Variants in TBX15 observed in about 807,000 individuals in gnomAD.
TBX15 encodes the protein T-box transcription factor 15, also known as T-box transcription factor TBX15.
In TBX15, 18 loss-of-function variants were observed where a neutral mutation model predicts 53.9. The observed-to-expected ratio is 0.33, with a 90% confidence interval of 0.23 to 0.49. The LOEUF is 0.49. Among genes scored for constraint, TBX15 ranks in the 20% least tolerant of loss-of-function variants. TBX15 has a pLI of 0.98. For synonymous variants in TBX15, 295 were observed against 278.0 expected (o/e 1.06, Z -0.61); for missense variants, 692 against 749.5 (o/e 0.92, Z 0.90).
Position 118,960,710 on chromosome 1 carries a change from A to G in TBX15, c.205+26881T>C, listed in dbSNP as rs12022112. Among the ~76,000 whole-genome samples the G allele has an allele frequency of 3.9e-5, 6 of 152,306 alleles. No homozygotes were observed. The East Asian group carries it at 1.2e-3, about 29-fold the overall frequency. On this transcript the variant is annotated intron_variant, in intron 1 of 7. Coordinates refer to ENST00000369429, the MANE Select transcript of TBX15 (RefSeq NM_001330677.2). ...GTGAGCCGGCAGAGTCTCCCTCAGGATCAGGGCTTCGTGTTCCAAAGTCCA... is the reference window on the plus strand; with the variant it reads ...GTGAGCCGGCAGAGTCTCCCTCAGGGTCAGGGCTTCGTGTTCCAAAGTCCA...
chr1:118,939,143 A>G (rs1367694065), intron 1 of TBX15, among the ~76,000 whole-genome samples: 1 of 152,116 alleles, frequency 6.6e-6, no homozygotes, highest in Admixed American at 6.5e-5. Context: ...CTAATGGCTC[A>G]TGCCTATAAT....
chr1:118,926,473 T>C (rs1655598160), intron 3 of TBX15, 37 bp downstream of exon 3: 1 of 1,558,286 alleles, frequency 6.4e-7, no homozygotes, highest in Non-Finnish European at 8.8e-7. Context: ...GGAATGCTGG[T>C]GATACCCACA....
At chr1:118,927,910 C>T (rs1215523875) in intron 2 of TBX15, among the ~76,000 whole-genome samples, 2 of 152,204 alleles carry the variant, frequency 1.3e-5, no homozygotes, top group East Asian at 1.9e-4. Context: ...TACTTGTATG[C>T]AAAATGCTGC....
intron 6 of TBX15, among the ~76,000 whole-genome samples, chr1:118,901,872 G>A (rs534113105): frequency 6.6e-6 from 1 of 152,170 alleles, no homozygotes; most frequent in African/African-American, 2.4e-5. Context: ...CTTAGCTAAC[G>A]AACATAAAGA....
chr1:118,925,766 CCA>C (rs1477698786), intron 3 of TBX15, among the ~76,000 whole-genome samples: 5 of 152,196 alleles, frequency 3.3e-5, no homozygotes, highest in Non-Finnish European at 7.3e-5. Flanking sequence ...TCCCCACTTG[CCA>C]TACTAGTCCT....
intron 1 of TBX15, among the ~76,000 whole-genome samples, chr1:118,974,846 G>A (rs1330731961): frequency 6.6e-6 from 1 of 152,144 alleles, no homozygotes; most frequent in Non-Finnish European, 1.5e-5. Context: ...TAATCCTAGG[G>A]CATTAAAAAG....
chr1:118,931,254 T>C (rs17185926), intron 2 of TBX15, among the ~76,000 whole-genome samples: 15,617 of 152,314 alleles, frequency 0.1, 980 homozygotes, highest in Middle Eastern at 0.17. Flanking sequence ...CTTTAGAAGA[T>C]GCAAGTTGTT....
chr1:118,935,599 A>G (rs1295444636), intron 1 of TBX15, among the ~76,000 whole-genome samples: 1 of 152,184 alleles, frequency 6.6e-6, no homozygotes, highest in Non-Finnish European at 1.5e-5. Context: ...TCACTAGAGA[A>G]CATTTTGTGA....
At chr1:118,901,120 C>T (rs1204951801) in intron 6 of TBX15, among the ~76,000 whole-genome samples, 1 of 151,996 alleles carries the variant, frequency 6.6e-6, no homozygotes, top group Non-Finnish European at 1.5e-5. Flanking sequence ...ATTTTCTATC[C>T]TAGTTCATTT....
At chr1:118,944,750 A>G (rs967370594) in intron 1 of TBX15, among the ~76,000 whole-genome samples, 5 of 152,148 alleles carry the variant, frequency 3.3e-5, no homozygotes, top group African/African-American at 9.7e-5. Flanking sequence ...CAGAGTTCCC[A>G]CTTCAATTCC....
chr1:118,941,750 G>C (rs904741923), intron 1 of TBX15, among the ~76,000 whole-genome samples: 1 of 152,096 alleles, frequency 6.6e-6, no homozygotes, highest in African/African-American at 2.4e-5. Flanking sequence ...GAGAGGATAG[G>C]TCCATAAATA....
chr1:118,901,828 G>T (rs1161136204), intron 6 of TBX15, among the ~76,000 whole-genome samples: 8 of 152,246 alleles, frequency 5.3e-5, no homozygotes, highest in African/African-American at 1.7e-4. Flanking sequence ...CCCACAAGGA[G>T]TCCACCTGCC....
intron 1 of TBX15, among the ~76,000 whole-genome samples, chr1:118,942,019 A>T (rs1209692246): frequency 2.6e-5 from 4 of 152,362 alleles, no homozygotes; most frequent in African/African-American, 9.6e-5. Flanking sequence ...TCAACAAAAA[A>T]GGTCCAGACA....
rs74922362 is a variant in TBX15, at chr1:118,982,241, G to A, written c.205+5350C>T. Among the ~76,000 whole-genome samples, 29 of 152,278 alleles carry A rather than the reference G, an allele frequency of 1.9e-4. No homozygotes were observed. The East Asian group carries it at 4.4e-3, about 23-fold the overall frequency. ...AACAAAAAACAAAGAAAAAATTATA[G>A]CCACCCTGAGAAGGAATTCACAGAT... On this transcript the variant is annotated intron_variant, in intron 1 of 7. Coordinates refer to ENST00000369429, the MANE Select transcript of TBX15 (RefSeq NM_001330677.2).
chr1:118,985,836 C>T (rs1010632182), intron 1 of TBX15, among the ~76,000 whole-genome samples: 2 of 152,220 alleles, frequency 1.3e-5, no homozygotes, highest in Non-Finnish European at 2.9e-5. Flanking sequence ...AGCTTAGCTC[C>T]CCAGGTTCAC....
Position 118,987,712 on chromosome 1 carries a change from T to C in TBX15, c.84A>G (p.Lys28=), listed in dbSNP as rs1657889485. The change falls in exon 1 of 8, where the codon AAA becomes AAG. Residue 28 remains lysine, a synonymous_variant. Coordinates refer to ENST00000369429, the MANE Select transcript of TBX15 (RefSeq NM_001330677.2). ...FSVEALIGSN[K]KRKLRDWEEK... Reference sequence around the variant, plus strand: ...CCTCCCAGTCTCGCAGTTTCCGTTTTTTATTTGAGCCGATCAAGGCTTCAA... The same window carrying C: ...CCTCCCAGTCTCGCAGTTTCCGTTTCTTATTTGAGCCGATCAAGGCTTCAA... 3 of 1,550,422 alleles carry C rather than the reference T, an allele frequency of 1.9e-6. No homozygotes were observed. The highest frequency in any genetic ancestry group is 2.6e-6 in the Non-Finnish European group (3 of 1,146,852).
chr1:118,898,802 G>A lies in TBX15; in HGVS notation c.1024+226C>T, dbSNP rs61806197. Among the ~76,000 whole-genome samples the A allele has an allele frequency of 0.031, 4,696 of 152,264 alleles. 76 individuals are homozygous for A. Among genetic ancestry groups the A allele is most frequent in the African/African-American group, 0.033 (1,383 of 41,554 alleles). On this transcript the variant is annotated intron_variant, in intron 7 of 7. Coordinates refer to ENST00000369429, the MANE Select transcript of TBX15 (RefSeq NM_001330677.2). Reference sequence around the variant, plus strand: ...TATAAATATATAACTGCACTCTTAGGAAGGGAGAGAGCATTTTGAGTGCCA... The same window carrying A: ...TATAAATATATAACTGCACTCTTAGAAAGGGAGAGAGCATTTTGAGTGCCA...
At position 118,914,066 on chromosome 1, in the gene TBX15, G is replaced by A. The variant is rs752523130; in HGVS notation, c.926+49C>T. The A allele has an allele frequency of 4.4e-6, 7 of 1,585,538 alleles. No individual in the cohort carries two copies. The African/African-American group carries it at 8.1e-5, about 18-fold the overall frequency. ...CATCAACCATCAGCAGGATGTGAGG[G>A]AAGTAATGTCACATAGAAAAGAAGT... On this transcript the variant is annotated intron_variant, in intron 6 of 7. Transcript: ENST00000369429.
intron 7 of TBX15, among the ~76,000 whole-genome samples, chr1:118,894,336 G>C (rs1654317710): frequency 6.6e-6 from 1 of 152,138 alleles, no homozygotes; most frequent in African/African-American, 2.4e-5. Flanking sequence ...CCTCATTGTT[G>C]TTATCCCTAT....
Sources: allele counts gnomAD v4.1 joint callset (sites outside exome capture counted in the v4.1 genomes callset), GRCh38; gene constraint gnomAD v4.1.1; transcripts MANE v1.5; gene names NCBI Gene and HGNC (gene_info 2026-07-23, HGNC 2026-07-21).